The following NCOR1 variants were observed in gnomAD, a reference collection of about 807,000 sequenced individuals.
NCOR1 encodes nuclear receptor corepressor 1.
In NCOR1, 63 loss-of-function variants were observed where a neutral mutation model predicts 288.1. The ratio of observed to expected loss-of-function variants is 0.22; its 90% CI spans 0.18 to 0.27. NCOR1 has a LOEUF of 0.27. NCOR1 is among the 10% of genes least tolerant of loss of function. The pLI is 1.00. For missense variants in NCOR1, 2,397 were observed against 3,019.2 expected (o/e 0.79, Z 4.83); for synonymous variants, 1,007 against 1,065.9 (o/e 0.94, Z 1.08).
At chr17:16,075,773 A>G in intron 26 of NCOR1, 71 bp from the exon 27 acceptor site, 1 of 1,553,686 alleles carries the variant, frequency 6.4e-7, no homozygotes, top group Non-Finnish European at 8.8e-7. Context: ...TGCTCAGAAA[A>G]TTTAACCTAT....
intron 37 of NCOR1, among the ~76,000 whole-genome samples, chr17:16,059,184 G>A (rs551625513): frequency 6.6e-6 from 1 of 152,056 alleles, no homozygotes; most frequent in South Asian, 2.1e-4. Flanking sequence ...AAACATTTAT[G>A]GAAGAGGTTA....
At chr17:16,150,416 G>A (rs973995341) in intron 8 of NCOR1, among the ~76,000 whole-genome samples, 11 of 152,250 alleles carry the variant, frequency 7.2e-5, no homozygotes, top group Non-Finnish European at 1.2e-4. Context: ...GATGCATGCA[G>A]CTGAGGAAAT....
intron 40 of NCOR1, among the ~76,000 whole-genome samples, chr17:16,053,395 T>C (rs1401948360): frequency 6.6e-6 from 1 of 151,962 alleles, no homozygotes; most frequent in Non-Finnish European, 1.5e-5. Context: ...TATACACCAA[T>C]GAGAGCCAAG....
At chr17:16,175,173 C>A (rs1180106691) in intron 3 of NCOR1, among the ~76,000 whole-genome samples, 2 of 152,090 alleles carry the variant, frequency 1.3e-5, no homozygotes, top group East Asian at 3.9e-4. Context: ...TCGAGACCAG[C>A]CTGACCAACA....
intron 2 of NCOR1, among the ~76,000 whole-genome samples, chr17:16,188,071 T>G (rs2087114136): frequency 6.6e-6 from 1 of 152,142 alleles, no homozygotes. Flanking sequence ...TGGTGATAGC[T>G]GCACAATATA....
chr17:16,118,708 T>A (rs1297587715), intron 17 of NCOR1, among the ~76,000 whole-genome samples: 6 of 152,238 alleles, frequency 3.9e-5, no homozygotes, highest in Non-Finnish European at 2.9e-5. Context: ...CTATTTACAA[T>A]AATTTATCTT....
chr17:16,104,529 G>A (rs989382159), intron 19 of NCOR1, among the ~76,000 whole-genome samples: 4 of 152,182 alleles, frequency 2.6e-5, no homozygotes, highest in African/African-American at 9.7e-5. Context: ...CCAGCACTTT[G>A]GGAAGTTAAG....
At chr17:16,199,597 C>T (rs935791235) in intron 1 of NCOR1, among the ~76,000 whole-genome samples, 2 of 152,138 alleles carry the variant, frequency 1.3e-5, no homozygotes, top group African/African-American at 4.8e-5. Context: ...GAATACTTTA[C>T]ATTTGAAACC....
chr17:16,196,976 C>T (rs2089963289), intron 1 of NCOR1, among the ~76,000 whole-genome samples: 1 of 151,910 alleles, frequency 6.6e-6, no homozygotes, highest in Non-Finnish European at 1.5e-5. Flanking sequence ...GTGATTGTGC[C>T]ACTGCACTCC....
chr17:16,060,348 G>A (rs1051170808), intron 37 of NCOR1, among the ~76,000 whole-genome samples: 2 of 152,224 alleles, frequency 1.3e-5, no homozygotes, highest in Non-Finnish European at 2.9e-5. Context: ...TTAATCCAAT[G>A]ATTAAGGAAC....
rs2090494841 is a variant in NCOR1, at chr17:16,199,671, A to G, written c.-70-5032T>C. 3.9e-5 allele frequency among the ~76,000 whole-genome samples: 6 copies of G among 152,232 alleles called. No individual in the cohort carries two copies. In the South Asian group the frequency reaches 1.2e-3, roughly 31 times the overall value. ...AGGGGAAGGGAGCACCTTAAGTGGC[A>G]GTATCAAATTATAATTTCAGTTCTT... On this transcript the variant is annotated intron_variant, in intron 1 of 45. Coordinates refer to ENST00000268712, the MANE Select transcript of NCOR1 (RefSeq NM_006311.4).
rs931351877 is a variant in NCOR1, at chr17:16,054,315, G to T, written c.6392+3199C>A. 3.3e-4 allele frequency among the ~76,000 whole-genome samples: 50 copies of T among 151,620 alleles called. 1 individual carries two copies. The highest frequency in any genetic ancestry group is 1.2e-3 in the African/African-American group (48 of 41,304). On this transcript the variant is annotated intron_variant, in intron 40 of 45. Transcript: ENST00000268712. Reference sequence around the variant, plus strand: ...TTTGCAAACTATGCACCTGACAAAGGTCTAATATCCAGCATGTATAAAGAG... The same window carrying T: ...TTTGCAAACTATGCACCTGACAAAGTTCTAATATCCAGCATGTATAAAGAG...
In NCOR1 at chr17:16,137,489, A is replaced by C. The variant is rs2153234219; in HGVS notation, c.1408-77T>G. ...TTTTAATTAAATATTACTTCCAAGG[A>C]AAATCTCTGGTATTCTGAAAGTAAA... is the stretch of plus-strand genomic sequence containing the variant. On this transcript the variant is annotated intron_variant, in intron 13 of 45. Transcript: ENST00000268712. The C allele has an allele frequency of 1.8e-5, 13 of 730,412 alleles. 1 individual carries two copies. In the South Asian group the frequency reaches 3.0e-4, roughly 17 times the overall value. The allele number at this position is 730,412 out of a possible 1,614,324, so 45.2% of individuals were successfully genotyped here.
intron 42 of NCOR1, among the ~76,000 whole-genome samples, chr17:16,041,952 G>A (rs147912585): frequency 2.0e-5 from 3 of 151,988 alleles, no homozygotes; most frequent in Non-Finnish European, 2.9e-5. Flanking sequence ...TAGCCAGGAT[G>A]GTCTTGATCT....
chr17:16,084,896 G>A (rs907133337), intron 23 of NCOR1, among the ~76,000 whole-genome samples: 2 of 152,032 alleles, frequency 1.3e-5, no homozygotes, highest in Admixed American at 6.6e-5. Context: ...CCTTGGAGCA[G>A]GCCAAGATTT....
At chr17:16,056,528 T>G (rs1294960032) in intron 40 of NCOR1, among the ~76,000 whole-genome samples, 2 of 151,784 alleles carry the variant, frequency 1.3e-5, no homozygotes, top group African/African-American at 4.8e-5. Context: ...GTTGGCCAGG[T>G]TGGTCTTGAG....
intron 21 of NCOR1, among the ~76,000 whole-genome samples, chr17:16,093,735 T>C (rs1217104976): frequency 6.6e-6 from 1 of 152,222 alleles, no homozygotes; most frequent in Non-Finnish European, 1.5e-5. Flanking sequence ...CTTTTCCTCC[T>C]TTTGCTATAA....
At position 16,064,162 on chromosome 17, in the gene NCOR1, A is replaced by G. The variant is rs924645207; in HGVS notation, c.5127T>C (p.Ala1709=). Residue 1709 remains alanine (A), a synonymous_variant, in exon 35 of 46, where the codon GCT becomes GCC. Transcript: ENST00000268712. ...GTTCCCGTTCCCTCTCAGCACTTGC[A>G]GCAGCTGCAAGGTGTGTTGGGTGTC... ...SPGHPTHLAA[A]ASAERERERE... 4.3e-6 allele frequency: 7 copies of G among 1,614,154 alleles called. No individual in the cohort carries two copies. The highest frequency in any genetic ancestry group is 5.9e-6 in the Non-Finnish European group (7 of 1,179,992).
At chr17:16,186,961 A>G (rs2086784022) in intron 2 of NCOR1, among the ~76,000 whole-genome samples, 1 of 152,172 alleles carries the variant, frequency 6.6e-6, no homozygotes, top group Admixed American at 6.6e-5. Flanking sequence ...TATTACTCAC[A>G]TCAGTAAAAT....
Sources: allele counts gnomAD v4.1 joint callset (sites outside exome capture counted in the v4.1 genomes callset), GRCh38; gene constraint gnomAD v4.1.1; transcripts MANE v1.5; gene names NCBI Gene and HGNC (gene_info 2026-07-23, HGNC 2026-07-21).